Variants in GALNT17 observed in about 807,000 individuals in gnomAD.
GALNT17 encodes polypeptide N-acetylgalactosaminyltransferase 17.
GALNT17 carries 29 observed loss-of-function variants against 63.7 expected under a neutral mutation model. That is an observed-to-expected ratio of 0.46 (90% CI 0.34 to 0.62). GALNT17 has a LOEUF of 0.62. Ranked by LOEUF, GALNT17 falls within the 20% of genes least tolerant of loss-of-function variation. The pLI, the probability that GALNT17 is intolerant of heterozygous loss-of-function variation, is 0.01. For missense variants in GALNT17, 603 were observed against 799.6 expected, an observed-to-expected ratio of 0.75 and a Z score of 2.97; for synonymous variants, 305 against 318.3, an observed-to-expected ratio of 0.96 and a Z score of 0.45.
chr7:71,448,824 A>C (rs1017115343), intron 5 of GALNT17, among the ~76,000 whole-genome samples: 1 of 152,162 alleles, frequency 6.6e-6, no homozygotes, highest in Non-Finnish European at 1.5e-5. Context: ...TTGTGTATGA[A>C]TCATACCTTA....
intron 1 of GALNT17, among the ~76,000 whole-genome samples, chr7:71,192,088 C>T (rs1048918263): frequency 1.3e-5 from 2 of 152,126 alleles, no homozygotes; most frequent in Non-Finnish European, 2.9e-5. Flanking sequence ...GTCCAAAAGC[C>T]GAAGAACTTG....
chr7:71,494,274 A>G (rs1788058261), intron 5 of GALNT17, among the ~76,000 whole-genome samples: 1 of 152,018 alleles, frequency 6.6e-6, no homozygotes, highest in Non-Finnish European at 1.5e-5. Context: ...TGATCCAATC[A>G]CCTCCCACCA....
intron 1 of GALNT17, among the ~76,000 whole-genome samples, chr7:71,201,456 G>T (rs989686929): frequency 1.3e-5 from 2 of 151,672 alleles, no homozygotes; most frequent in Non-Finnish European, 2.9e-5. Flanking sequence ...TTACACGGGA[G>T]GACAATGTTG....
intron 9 of GALNT17, 104 bp downstream of exon 9, chr7:71,677,410 G>T: frequency 8.6e-7 from 1 of 1,158,620 alleles, no homozygotes; most frequent in Non-Finnish European, 1.2e-6. Context: ...TACCTTGGTA[G>T]TTATTTATTC....
In GALNT17 at chr7:71,132,915, C is replaced by G; in HGVS notation, c.113C>G (p.Ala38Gly). 1.2e-6 allele frequency: 2 copies of G among 1,612,422 alleles called. No individual in the cohort carries two copies. The highest frequency in any genetic ancestry group is 1.7e-6 in the Non-Finnish European group (2 of 1,179,602). ...CRPIAVRSGD[A>G]FHEIRPRAEV... ...CCCATCGCGGTGCGCAGCGGAGACG[C>G]CTTCCACGAGATCCGGCCGCGCGCC... is the stretch of plus-strand genomic sequence containing the variant. The change falls in exon 1 of 11, where the codon GCC (alanine) becomes GGC (glycine). Residue 38 changes from alanine to glycine, a missense_variant. Physicochemically the swap from Ala to Gly is moderately conservative, Grantham distance 60. This residue lies in a region of GALNT17 where 195 missense variants were observed against 215.0 expected (regional missense o/e 0.91). Coordinates refer to ENST00000333538, the MANE Select transcript of GALNT17 (RefSeq NM_022479.3).
intron 6 of GALNT17, among the ~76,000 whole-genome samples, chr7:71,615,435 C>T (rs1790187095): frequency 6.7e-6 from 1 of 149,660 alleles, no homozygotes; most frequent in Non-Finnish European, 1.5e-5. Flanking sequence ...CACCTTGGTG[C>T]CCTTTTTCTA....
chr7:71,411,910 A>G (rs1276588680), intron 3 of GALNT17, among the ~76,000 whole-genome samples: 2 of 152,296 alleles, frequency 1.3e-5, no homozygotes, highest in Non-Finnish European at 2.9e-5. Flanking sequence ...AAATGAATGC[A>G]CATATCCTTC....
At chr7:71,207,465 G>A (rs963616407) in intron 1 of GALNT17, among the ~76,000 whole-genome samples, 3 of 152,148 alleles carry the variant, frequency 2.0e-5, no homozygotes, top group African/African-American at 7.2e-5. Flanking sequence ...TAGTGATGTG[G>A]GAGGAAGATA....
intron 5 of GALNT17, among the ~76,000 whole-genome samples, chr7:71,471,266 A>G (rs1381764147): frequency 6.6e-6 from 1 of 151,762 alleles, no homozygotes; most frequent in African/African-American, 2.4e-5. Flanking sequence ...TCGTAGAGAA[A>G]GGGTTTCCCC....
chr7:71,322,016 A>G (rs901106728), intron 1 of GALNT17, among the ~76,000 whole-genome samples: 3 of 95,654 alleles, frequency 3.1e-5, no homozygotes, highest in African/African-American at 8.2e-5. Context: ...CAGTGGCACA[A>G]TCATGGCTCA....
intron 8 of GALNT17, 106 bp downstream of exon 8, chr7:71,670,215 T>G: frequency 6.7e-7 from 1 of 1,481,516 alleles, no homozygotes. Context: ...CAATGAGTGG[T>G]TTTTGGAGGT....
At chr7:71,164,468 C>T (rs937654453) in intron 1 of GALNT17, among the ~76,000 whole-genome samples, 4 of 152,178 alleles carry the variant, frequency 2.6e-5, no homozygotes, top group Admixed American at 6.5e-5. Flanking sequence ...GATCCTCCCT[C>T]GACTCGTGGG....
chr7:71,340,327 A>G (rs550256933), intron 2 of GALNT17, among the ~76,000 whole-genome samples: 12 of 152,292 alleles, frequency 7.9e-5, no homozygotes, highest in African/African-American at 2.9e-4. Flanking sequence ...AGAGGATAAC[A>G]AGGCTGCATA....
intron 5 of GALNT17, among the ~76,000 whole-genome samples, chr7:71,510,990 TAGTA>T (rs1372940275): frequency 6.6e-6 from 1 of 151,922 alleles, no homozygotes; most frequent in Non-Finnish European, 1.5e-5. Context: ...CTGGGCAACA[TAGTA>T]AGACCCCATC....
intron 5 of GALNT17, among the ~76,000 whole-genome samples, chr7:71,531,288 T>C (rs953675123): frequency 6.6e-6 from 1 of 152,174 alleles, no homozygotes; most frequent in Non-Finnish European, 1.5e-5. Flanking sequence ...AAAAGTTTTC[T>C]CCACCCTCTT....
At chr7:71,217,882 C>G (rs981417662) in intron 1 of GALNT17, among the ~76,000 whole-genome samples, 1 of 151,408 alleles carries the variant, frequency 6.6e-6, no homozygotes, top group Admixed American at 6.6e-5. Flanking sequence ...GAGCCGAGAT[C>G]GCACCACTGC....
chr7:71,285,551 A>G (rs1280604840), intron 1 of GALNT17, among the ~76,000 whole-genome samples: 3 of 152,214 alleles, frequency 2.0e-5, no homozygotes. Flanking sequence ...TCATATGTTG[A>G]AATTGTAACC....
intron 2 of GALNT17, among the ~76,000 whole-genome samples, chr7:71,364,974 A>G: frequency 6.6e-6 from 1 of 151,580 alleles, no homozygotes; most frequent in Non-Finnish European, 1.5e-5. Context: ...TCTGTCCCCC[A>G]GGCTGGAGTG....
At chr7:71,234,120 C>A (rs1789842330) in intron 1 of GALNT17, among the ~76,000 whole-genome samples, 1 of 152,126 alleles carries the variant, frequency 6.6e-6, no homozygotes. Flanking sequence ...ACATCCAAAC[C>A]CAAACCATAT....
Sources: allele counts gnomAD v4.1 joint callset (sites outside exome capture counted in the v4.1 genomes callset), GRCh38; gene constraint gnomAD v4.1.1; regional missense constraint gnomAD v4.1.1; transcripts MANE v1.5; gene names NCBI Gene and HGNC (gene_info 2026-07-23, HGNC 2026-07-21).